YIPF6: variants seen among roughly 807,000 people sequenced by gnomAD.
YIPF6 encodes the protein protein YIPF6.
YIPF6 carries 3 observed loss-of-function variants against 16.8 expected under a neutral mutation model. That is an observed-to-expected ratio of 0.18 (90% CI 0.08 to 0.46). YIPF6 has a LOEUF of 0.46. YIPF6 is among the 20% of genes least tolerant of loss of function. The pLI is 0.98. For synonymous variants in YIPF6, 67 were observed against 61.9 expected, an observed-to-expected ratio of 1.08 and a Z score of -0.38; for missense variants, 145 against 184.9, an observed-to-expected ratio of 0.78 and a Z score of 1.25.
chrX:68,505,487 G>A (rs970411909), intron 1 of YIPF6, among the ~76,000 whole-genome samples: 4 of 112,132 alleles, frequency 3.6e-5, no homozygotes, highest in African/African-American at 1.3e-4. Flanking sequence ...GCAGATCCTT[G>A]TATTTCTTGA....
intron 3 of YIPF6, among the ~76,000 whole-genome samples, chrX:68,515,945 G>A (rs1345729367): frequency 9.0e-6 from 1 of 111,625 alleles, no homozygotes; most frequent in East Asian, 2.8e-4. Flanking sequence ...CCAACATGGT[G>A]AAACCCTGTC....
chrX:68,520,025 C>T (rs1055521720), intron 4 of YIPF6, among the ~76,000 whole-genome samples: 8 of 112,251 alleles, frequency 7.1e-5, no homozygotes, highest in Admixed American at 6.6e-4. Context: ...GGATCAGTAT[C>T]TGGGTCTCTT....
chrX:68,500,546 G>A (rs992614568), intron 1 of YIPF6, among the ~76,000 whole-genome samples: 9 of 111,090 alleles, frequency 8.1e-5, no homozygotes, highest in Middle Eastern at 4.2e-3. Context: ...AACTCCTGAC[G>A]TCAGGTGATC....
chrX:68,520,017 A>T (rs1462613928), intron 4 of YIPF6, among the ~76,000 whole-genome samples: 1 of 112,216 alleles, frequency 8.9e-6, no homozygotes, highest in Admixed American at 9.5e-5. Flanking sequence ...CAGAATTAGG[A>T]TCAGTATCTG....
At chrX:68,514,419 A>G (rs1406875613) in intron 3 of YIPF6, 1 of 110,884 alleles carries the variant, frequency 9.0e-6, no homozygotes, top group Non-Finnish European at 1.9e-5. Context: ...TTTGTTTGTT[A>G]GTTTTTTGAG....
chrX:68,531,562 T>A (rs892603495), intron 6 of YIPF6, among the ~76,000 whole-genome samples: 21 of 112,345 alleles, frequency 1.9e-4, no homozygotes, highest in Non-Finnish European at 3.4e-4. Flanking sequence ...CCGTTTACCA[T>A]AGGAACAAAT....
chrX:68,516,043 A>C (rs1241346309), intron 3 of YIPF6, among the ~76,000 whole-genome samples: 1 of 111,235 alleles, frequency 9.0e-6, no homozygotes, highest in East Asian at 2.8e-4. Flanking sequence ...GAATCGCTTG[A>C]ACCCGGGAGG....
intron 3 of YIPF6, 139 bp from the exon 4 acceptor site, chrX:68,518,631 A>G (rs925107845): frequency 3.4e-6 from 2 of 588,128 alleles, no homozygotes; most frequent in Admixed American, 3.9e-5. Context: ...CAGGGAGGGC[A>G]GGTGGTGGGA....
chrX:68,522,389 C>T (rs1385914768), intron 5 of YIPF6, among the ~76,000 whole-genome samples: 1 of 109,789 alleles, frequency 9.1e-6, no homozygotes, highest in Non-Finnish European at 1.9e-5. Context: ...CTCCACCTCC[C>T]AGGTTCAAGC....
At position 68,518,798 on chromosome X, in the gene YIPF6, T is replaced by C; in HGVS notation, c.294T>C (p.Cys98=). ...DWDLWGPLIL[C]VTLALMLQRD... is the part of the protein sequence containing the mutation. ...ATTTGTGGGGCCCTTTGATCCTTTG[T>C]GTGACACTCGCATTGTAAGTACTTG... The change falls in exon 4 of 7, where the codon TGT becomes TGC. Residue 98 remains cysteine (C), a synonymous_variant. Transcript: ENST00000462683. The C allele has an allele frequency of 8.5e-7, 1 of 1,182,981 alleles. No homozygotes were observed. The highest frequency in any genetic ancestry group is 1.1e-6 in the Non-Finnish European group (1 of 885,051).
At chrX:68,503,695 T>C (rs974985133) in intron 1 of YIPF6, among the ~76,000 whole-genome samples, 5 of 112,164 alleles carry the variant, frequency 4.5e-5, no homozygotes, top group African/African-American at 1.6e-4. Context: ...AAGACTGCTC[T>C]TCAGACACCA....
At chrX:68,525,862 G>A (rs1480686512) in intron 6 of YIPF6, among the ~76,000 whole-genome samples, 1 of 111,678 alleles carries the variant, frequency 9.0e-6, no homozygotes, top group Non-Finnish European at 1.9e-5. Flanking sequence ...TTTGGTACCA[G>A]TACTGTGCTG....
At chrX:68,512,252 G>T (rs2079083934) in intron 2 of YIPF6, among the ~76,000 whole-genome samples, 1 of 110,786 alleles carries the variant, frequency 9.0e-6, no homozygotes, top group African/African-American at 3.3e-5. Context: ...CTGAGCTCAG[G>T]AGTTCGAGAC....
At position 68,533,353 on chromosome X, in the gene YIPF6, A is replaced by T. The variant is rs568857123; in HGVS notation, c.*1354A>T. The T allele has an allele frequency of 4.5e-5, 5 of 111,761 alleles. No individual in the cohort carries two copies. The highest frequency in any genetic ancestry group is 1.6e-4 in the African/African-American group (5 of 30,759). The allele number at this position is 111,761 out of a possible 1,213,427, so 9.2% of individuals were successfully genotyped here. ...AAGGCAATATGAACTGTTGCCTTCT[A>T]TAAATTGCACATTGAGGAACTCTAA... On this transcript the variant is annotated 3_prime_UTR_variant, in exon 7 of 7. Coordinates refer to ENST00000462683, the MANE Select transcript of YIPF6 (RefSeq NM_173834.4).
chrX:68,518,154 C>A (rs753114655), intron 3 of YIPF6, among the ~76,000 whole-genome samples: 1 of 108,049 alleles, frequency 9.3e-6, no homozygotes. Context: ...TGCCTGTAAT[C>A]CCAGCTACTC....
chrX:68,522,195 T>A (rs770965314), intron 5 of YIPF6, among the ~76,000 whole-genome samples: 2 of 111,329 alleles, frequency 1.8e-5, no homozygotes, highest in African/African-American at 6.5e-5. Flanking sequence ...CAGAGAAAGA[T>A]ATCTGTAGGA....
chrX:68,521,165 C>A (rs2079124057), intron 4 of YIPF6, among the ~76,000 whole-genome samples: 2 of 111,260 alleles, frequency 1.8e-5, no homozygotes, highest in Non-Finnish European at 3.8e-5. Flanking sequence ...AATGGAGCAC[C>A]CCTTGTAGTC....
chrX:68,502,850 G>A (rs1602449210), intron 1 of YIPF6, among the ~76,000 whole-genome samples: 1 of 105,133 alleles, frequency 9.5e-6, no homozygotes, highest in African/African-American at 3.5e-5. Context: ...TTTTTGAGCC[G>A]GAGTTTTGCT....
rs1410854931 is a variant in YIPF6 at position 68,534,730 on chromosome X, T to G, written c.*2731T>G. The G allele has an allele frequency of 8.9e-6, 1 of 112,209 alleles. No individual in the cohort carries two copies. The highest frequency in any genetic ancestry group is 1.9e-5 in the Non-Finnish European group (1 of 53,287). 9.2% of individuals were successfully genotyped at this position (112,209 alleles called of 1,213,427 possible). ...AAGTTAAGACCTAAATGTCTGGAAG[T>G]TGTAACCCTCAACACAGCTTTTCCT... On this transcript the variant is annotated 3_prime_UTR_variant, in exon 7 of 7. Transcript: ENST00000462683.
Sources: allele counts gnomAD v4.1 joint callset (sites outside exome capture counted in the v4.1 genomes callset), GRCh38; gene constraint gnomAD v4.1.1; transcripts MANE v1.5; gene names NCBI Gene and HGNC (gene_info 2026-07-23, HGNC 2026-07-21).